The following AQP9 variants were observed in gnomAD, a reference collection of about 807,000 sequenced individuals.
The protein encoded by AQP9 is aquaporin 9.
Under a neutral mutation model 23.8 loss-of-function variants are expected in AQP9, and 19 were observed. The ratio of observed to expected loss-of-function variants is 0.80; its 90% confidence interval spans 0.56 to 1.17. The LOEUF is 1.17. Ranked by LOEUF, AQP9 falls within the 50% of genes most tolerant of loss-of-function variation. AQP9 has a pLI of 0.00. For missense variants in AQP9, 413 were observed against 362.0 expected (o/e 1.14, Z -1.14); for synonymous variants, 153 against 131.5 (o/e 1.16, Z -1.12).
chr15:58,164,620 A>G (rs1479411074), intron 1 of AQP9, among the ~76,000 whole-genome samples: 2 of 152,164 alleles, frequency 1.3e-5, no homozygotes, highest in Non-Finnish European at 2.9e-5. Context: ...GAAAGGGGAC[A>G]TGTTCCTGCT....
intron 4 of AQP9, among the ~76,000 whole-genome samples, chr15:58,177,557 A>G (rs1019509858): frequency 2.0e-5 from 3 of 152,248 alleles, no homozygotes. Context: ...ATGATAATGA[A>G]CTTAAACTTT....
intron 1 of AQP9, among the ~76,000 whole-genome samples, chr15:58,145,059 C>T (rs1898019814): frequency 6.6e-6 from 1 of 150,838 alleles, no homozygotes; most frequent in Admixed American, 6.6e-5. Flanking sequence ...CTCTACTATA[C>T]CTGAGGTGAC....
intron 1 of AQP9, among the ~76,000 whole-genome samples, chr15:58,165,117 T>C (rs776267966): frequency 1.3e-5 from 2 of 152,178 alleles, no homozygotes; most frequent in Non-Finnish European, 2.9e-5. Context: ...TGCTCTTTTT[T>C]AGTTATAAAA....
chr15:58,157,122 A>ATATT (rs1176275484), intron 1 of AQP9, among the ~76,000 whole-genome samples: 1 of 152,218 alleles, frequency 6.6e-6, no homozygotes, highest in African/African-American at 2.4e-5. Context: ...GTTTTTATAA[A>ATATT]TATTTGCATC....
chr15:58,172,850 C>A (rs150113998), intron 2 of AQP9, among the ~76,000 whole-genome samples: 1 of 152,234 alleles, frequency 6.6e-6, no homozygotes, highest in Non-Finnish European at 1.5e-5. Context: ...GATAAACATT[C>A]TAAACTGTTA....
chr15:58,168,102 G>A (rs1240167113), intron 2 of AQP9, among the ~76,000 whole-genome samples: 2 of 151,466 alleles, frequency 1.3e-5, no homozygotes, highest in African/African-American at 4.9e-5. Context: ...GCTCACTGCA[G>A]CCTTGACTTC....
intron 1 of AQP9, among the ~76,000 whole-genome samples, chr15:58,160,498 C>G (rs1898353327): frequency 6.6e-6 from 1 of 151,916 alleles, no homozygotes; most frequent in Non-Finnish European, 1.5e-5. Context: ...TGTGCCCTTG[C>G]TTAAGTTTAG....
intron 4 of AQP9, among the ~76,000 whole-genome samples, chr15:58,176,851 C>T (rs1270322939): frequency 2.6e-5 from 4 of 151,922 alleles, no homozygotes; most frequent in African/African-American, 4.8e-5. Flanking sequence ...CCTCATAATC[C>T]GCCTGCCTAA....
chr15:58,182,555 G>A (rs561433489), intron 5 of AQP9, among the ~76,000 whole-genome samples: 40 of 152,290 alleles, frequency 2.6e-4, no homozygotes, highest in African/African-American at 8.4e-4. Flanking sequence ...CCAACAGGTA[G>A]CTTATACTCC....
At chr15:58,166,936 T>C in intron 2 of AQP9, 137 bp downstream of exon 2, 1 of 1,173,752 alleles carries the variant, frequency 8.5e-7, no homozygotes, top group Non-Finnish European at 1.1e-6. Context: ...CCCATTTTTA[T>C]AGATAAAATT....
chr15:58,181,887 A>T (rs1418188214), intron 5 of AQP9, among the ~76,000 whole-genome samples: 2 of 152,194 alleles, frequency 1.3e-5, no homozygotes, highest in African/African-American at 4.8e-5. Context: ...CCTTTGAGGG[A>T]CAACAGGCTT....
At chr15:58,174,138 A>G (rs1307590835) in intron 3 of AQP9, among the ~76,000 whole-genome samples, 1 of 152,042 alleles carries the variant, frequency 6.6e-6, no homozygotes, top group African/African-American at 2.4e-5. Context: ...AAAATTAAAA[A>G]TAAGCCAGGT....
At chr15:58,155,476 A>G (rs1898232134) in intron 1 of AQP9, 6 of 152,176 alleles carry the variant, frequency 3.9e-5, no homozygotes, top group Admixed American at 3.9e-4. Context: ...CAGTAGACAA[A>G]GCCACCCTTA....
chr15:58,185,727 C>T lies in AQP9; in HGVS notation c.*1592C>T, dbSNP rs1460275365. On this transcript the variant is annotated 3_prime_UTR_variant, in exon 6 of 6. Transcript: ENST00000219919. Reference sequence around the variant, plus strand: ...ACCTTCAGTCAAACTGTCAAAAAGCCCAGAATTCCCAAAGGCATTAGGTTT... The same window carrying T: ...ACCTTCAGTCAAACTGTCAAAAAGCTCAGAATTCCCAAAGGCATTAGGTTT... The T allele has an allele frequency of 1.3e-5, 2 of 152,154 alleles. No homozygotes were observed. Among genetic ancestry groups the T allele is most frequent in the Non-Finnish European group, 2.9e-5 (2 of 68,034 alleles). The allele number at this position is 152,154 out of a possible 1,614,324, so 9.4% of individuals were successfully genotyped here.
chr15:58,138,496 C>T lies in AQP9; in HGVS notation c.-70C>T, dbSNP rs914202306. 4.8e-6 allele frequency: 6 copies of T among 1,244,058 alleles called. No homozygotes were observed. The highest frequency in any genetic ancestry group is 6.9e-6 in the Non-Finnish European group (6 of 866,070). The allele number at this position is 1,244,058 out of a possible 1,614,324, so 77.1% of individuals were successfully genotyped here. A position where few individuals can be genotyped will look rare whatever the true frequency, so the allele number is the denominator to read the frequency against. ...CCATTGTCAAAACGTCCATTTTCATCTGGCTGTGAAAGTGAGGACCACAAC... is the reference window on the plus strand; with the variant it reads ...CCATTGTCAAAACGTCCATTTTCATTTGGCTGTGAAAGTGAGGACCACAAC... On this transcript the variant is annotated 5_prime_UTR_variant, in exon 1 of 6. Coordinates refer to ENST00000219919, the MANE Select transcript of AQP9 (RefSeq NM_020980.5).
intron 1 of AQP9, chr15:58,155,376 C>A (rs568490054): frequency 9.2e-5 from 14 of 152,156 alleles, no homozygotes; most frequent in Non-Finnish European, 1.9e-4. Flanking sequence ...GCCAAATCTT[C>A]TGAGTTTTTA....
At chr15:58,149,511 G>C (rs771711603) in intron 1 of AQP9, among the ~76,000 whole-genome samples, 11 of 152,318 alleles carry the variant, frequency 7.2e-5, no homozygotes, top group Non-Finnish European at 1.5e-4. Context: ...GAGACAGAAA[G>C]AGAGCCTTAG....
At chr15:58,175,148 G>A (rs951846394) in intron 4 of AQP9, 112 bp downstream of exon 4, 1 of 1,052,732 alleles carries the variant, frequency 9.5e-7, no homozygotes, top group Non-Finnish European at 1.4e-6. Context: ...ATTTCCAAAG[G>A]CAGAGGTTGC....
intron 2 of AQP9, among the ~76,000 whole-genome samples, 156 bp from the exon 3 acceptor site, chr15:58,172,912 C>A (rs574639484): frequency 2.0e-5 from 3 of 152,310 alleles, no homozygotes; most frequent in Non-Finnish European, 2.9e-5. Flanking sequence ...TGCTCAGATA[C>A]ACACTCTCTC....
Sources: allele counts gnomAD v4.1 joint callset (sites outside exome capture counted in the v4.1 genomes callset), GRCh38; gene constraint gnomAD v4.1.1; transcripts MANE v1.5; gene names NCBI Gene and HGNC (gene_info 2026-07-23, HGNC 2026-07-21).